The following MIOS variants were observed in gnomAD, a reference collection of about 807,000 sequenced individuals.
MIOS encodes the protein meiosis regulator for oocyte development.
Under a neutral mutation model 96.9 loss-of-function variants are expected in MIOS, and 52 were observed. That is an observed-to-expected ratio of 0.54 (90% confidence interval 0.43 to 0.68). The LOEUF (loss-of-function observed/expected upper bound fraction) is 0.68. Among genes scored for constraint, MIOS ranks in the 30% least tolerant of loss-of-function variants. MIOS has a pLI of 0.00. For synonymous variants in MIOS, 397 were observed against 359.5 expected (o/e 1.10, Z -1.18); for missense variants, 1,005 against 1,052.8 (o/e 0.95, Z 0.63).
chr7:7,595,845 A>T lies in MIOS; in HGVS notation c.2197-412A>T, dbSNP rs182436694. 2.0e-5 allele frequency among the ~76,000 whole-genome samples: 3 copies of T among 152,270 alleles called. No homozygotes were observed. In the East Asian group the frequency reaches 5.8e-4, roughly 29 times the overall value. On this transcript the variant is annotated intron_variant, in intron 10 of 12. Transcript: ENST00000340080. ...AAAAATTTAACTATTTACCATTATA[A>T]GTTTGTTAACTCTCTTTGTCTTAGG...
chr7:7,573,033 T>A lies in MIOS; in HGVS notation c.558T>A (p.Ala186=), dbSNP rs1783406647. ...TTTATGAGTTAGGACAGAATGATGC[T>A]TGTCTGTCTCTTTGTTGGCTTCCAC... ...KPLYELGQND[A]CLSLCWLPRD... is the part of the protein sequence containing the mutation. The change falls in exon 4 of 13, where the codon GCT becomes GCA. Residue 186 remains alanine, a synonymous_variant. Coordinates refer to ENST00000340080, the MANE Select transcript of MIOS (RefSeq NM_019005.4). The surrounding 1 kb of genome is among the most constrained non-coding windows in gnomAD (Gnocchi z 5.0). 2 of 1,614,020 alleles carry A rather than the reference T, an allele frequency of 1.2e-6. No individual in the cohort carries two copies. Among genetic ancestry groups the A allele is most frequent in the Non-Finnish European group, 1.7e-6 (2 of 1,179,946 alleles).
rs905602387 is a variant in MIOS, at chr7:7,574,192, G to A, written c.1389G>A (p.Ser463=). 28 of 1,595,720 alleles carry A rather than the reference G, an allele frequency of 1.8e-5. No individual in the cohort carries two copies. The highest frequency in any genetic ancestry group is 1.7e-4 in the Middle Eastern group (1 of 6,034). Residue 463 remains serine (S), a synonymous_variant, in exon 5 of 13, where the codon TCG becomes TCA. Transcript: ENST00000340080. Reference sequence around the variant, plus strand: ...GAATTAAATCAATTGTAAAGTCATCGTTGGGTAAGAAAATTCTATTTCATT... The same window carrying A: ...GAATTAAATCAATTGTAAAGTCATCATTGGGTAAGAAAATTCTATTTCATT... The part of the protein sequence containing the change: ...YAGIKSIVKS[S]LGMVESSRHN...
chr7:7,574,441 C>G (rs561595965), intron 5 of MIOS, among the ~76,000 whole-genome samples: 2 of 152,010 alleles, frequency 1.3e-5, no homozygotes, highest in East Asian at 1.9e-4. Context: ...TCTATCCACA[C>G]GTTTATTCAA....
rs764434670 is a variant in MIOS at position 7,573,820 on chromosome 7, T to C, written c.1294+51T>C. ...GAGGTGAATCAGGTAGAAATGTTCT[T>C]GAAGTTTGCCAAAAGGTCAGTCTGT... On this transcript the variant is annotated intron_variant, in intron 4 of 12. Coordinates refer to ENST00000340080, the MANE Select transcript of MIOS (RefSeq NM_019005.4). The surrounding 1 kb of genome is among the most constrained non-coding windows in gnomAD (Gnocchi z 5.0). 1.2e-5 allele frequency: 18 copies of C among 1,498,198 alleles called. No individual in the cohort carries two copies. The South Asian group carries it at 2.4e-4, about 20-fold the overall frequency. 92.8% of individuals were successfully genotyped at this position (1,498,198 alleles called of 1,614,324 possible).
chr7:7,582,730 C>T (rs1039230455), intron 5 of MIOS: 7 of 487,470 alleles, frequency 1.4e-5, no homozygotes, highest in East Asian at 2.9e-4. Context: ...GGAGCTTATG[C>T]GCTACTGGGA....
In MIOS at chr7:7,583,707, C is replaced by G. The variant is rs117957017; in HGVS notation, c.1648+335C>G. ...TATATTTTCTTAAAGATTAGGGCTA[C>G]TTTAGCCTACAAGTATTTTTACGAT... On this transcript the variant is annotated intron_variant, in intron 6 of 12. Transcript: ENST00000340080. Among the ~76,000 whole-genome samples the G allele has an allele frequency of 7.1e-3, 1,086 of 152,178 alleles. 8 individuals are homozygous for G. Among genetic ancestry groups the G allele is most frequent in the Non-Finnish European group, 0.012 (801 of 67,980 alleles).
At chr7:7,602,820 T>C (rs1041544941) in intron 11 of MIOS, among the ~76,000 whole-genome samples, 23 of 151,970 alleles carry the variant, frequency 1.5e-4, no homozygotes, top group Admixed American at 1.4e-3. Flanking sequence ...CTTCAAACTA[T>C]ACTACAAGGC....
chr7:7,591,193 C>T (rs1175522882), intron 9 of MIOS, among the ~76,000 whole-genome samples: 2 of 151,838 alleles, frequency 1.3e-5, no homozygotes, highest in African/African-American at 4.8e-5. Flanking sequence ...TCTTTCAACA[C>T]TTTAAAGATG....
rs752380748 is a variant in MIOS, at chr7:7,573,599, A to G, written c.1124A>G (p.Tyr375Cys). The G allele has an allele frequency of 7.4e-6, 12 of 1,613,974 alleles. No individual in the cohort carries two copies. The highest frequency in any genetic ancestry group is 1.1e-5 in the South Asian group (1 of 91,090). Reference sequence around the variant, plus strand: ...ATGTGGGCTTGTGGTCGTCATTTATATGAATGTACGGAAGAAGAAAATGAT... The same window carrying G: ...ATGTGGGCTTGTGGTCGTCATTTATGTGAATGTACGGAAGAAGAAAATGAT... ...SLMWACGRHL[Y>C]ECTEEENDNS... The change falls in exon 4 of 13, where the codon TAT (tyrosine) becomes TGT (cysteine). Residue 375 changes from tyrosine to cysteine, a missense_variant. This residue lies in a region of MIOS where 865 missense variants were observed against 887.9 expected (regional missense o/e 0.97). Transcript: ENST00000340080. The surrounding 1 kb of genome is among the most constrained non-coding windows in gnomAD (Gnocchi z 5.0).
chr7:7,583,415 T>C (rs1179200874), intron 6 of MIOS, 43 bp downstream of exon 6: 1 of 1,489,502 alleles, frequency 6.7e-7, no homozygotes, highest in Non-Finnish European at 9.0e-7. Flanking sequence ...ATCTAAGATG[T>C]TAGCAGTTCA....
Position 7,589,510 on chromosome 7 carries a change from A to G in MIOS, c.1990A>G (p.Ser664Gly). ...TAAAGATGGAGTGGACTTAATGGAGAGTTATGTTGATAGAACTGGAGATGT... is the reference window on the plus strand; with the variant it reads ...TAAAGATGGAGTGGACTTAATGGAGGGTTATGTTGATAGAACTGGAGATGT... ...LTKDGVDLMESYVDRTGDVQT... is the reference protein window; with the variant it reads ...LTKDGVDLMEGYVDRTGDVQT... The change falls in exon 9 of 13, where the codon AGT becomes GGT. Residue 664 changes from serine to glycine, a missense_variant. Coordinates refer to ENST00000340080, the MANE Select transcript of MIOS (RefSeq NM_019005.4). 1 of 1,613,408 alleles carries G rather than the reference A, an allele frequency of 6.2e-7. No individual in the cohort carries two copies. Among genetic ancestry groups the G allele is most frequent in the Non-Finnish European group, 8.5e-7 (1 of 1,179,574 alleles).
chr7:7,587,839 T>C lies in MIOS; in HGVS notation c.1819-659T>C, dbSNP rs118170555. On this transcript the variant is annotated intron_variant, in intron 7 of 12. Transcript: ENST00000340080. ...CTTTTTTCCACCCTTAAATTATTTTTACAAATTACAAAATTAATTGTACCT... is the reference window on the plus strand; with the variant it reads ...CTTTTTTCCACCCTTAAATTATTTTCACAAATTACAAAATTAATTGTACCT... Among the ~76,000 whole-genome samples, 448 of 152,348 alleles carry C rather than the reference T, an allele frequency of 2.9e-3. 6 individuals are homozygous for C. The highest frequency in any genetic ancestry group is 9.9e-3 in the Admixed American group (152 of 15,300).
intron 3 of MIOS, among the ~76,000 whole-genome samples, chr7:7,570,506 C>T (rs901858861): frequency 2.0e-5 from 3 of 152,020 alleles, no homozygotes; most frequent in Non-Finnish European, 2.9e-5. Flanking sequence ...GATTCAAGCG[C>T]ATTACATTTA....
intron 3 of MIOS, among the ~76,000 whole-genome samples, chr7:7,569,067 A>G (rs917223569): frequency 6.6e-6 from 1 of 152,240 alleles, no homozygotes; most frequent in Non-Finnish European, 1.5e-5. Context: ...GAAAGCCTAG[A>G]TAAAAAGTGT....
chr7:7,587,201 G>A (rs748426843), intron 7 of MIOS, among the ~76,000 whole-genome samples: 22 of 151,800 alleles, frequency 1.4e-4, no homozygotes, highest in Non-Finnish European at 3.1e-4. Context: ...GTAGAGACGG[G>A]GTTTCCTCAT....
intron 11 of MIOS, among the ~76,000 whole-genome samples, chr7:7,603,712 GTA>G (rs1784444316): frequency 6.6e-6 from 1 of 152,126 alleles, no homozygotes; most frequent in South Asian, 2.1e-4. Flanking sequence ...CTATTACTGG[GTA>G]TATACCCAAA....
chr7:7,570,018 G>A (rs866467384), intron 3 of MIOS, among the ~76,000 whole-genome samples: 1 of 138,542 alleles, frequency 7.2e-6, no homozygotes, highest in Admixed American at 7.1e-5. Context: ...CCATTAGAGG[G>A]TTTTAAGCAA....
At chr7:7,585,415 C>A (rs866972545) in intron 6 of MIOS, among the ~76,000 whole-genome samples, 1 of 142,630 alleles carries the variant, frequency 7.0e-6, no homozygotes, top group African/African-American at 2.6e-5. Flanking sequence ...CAAACCCCCC[C>A]CTTTTTTTTT....
Position 7,572,261 on chromosome 7 carries a change from C to CT in MIOS, c.-40-167dup, listed in dbSNP as rs1194418000. Among the ~76,000 whole-genome samples the CT allele has an allele frequency of 1.3e-5, 2 of 151,692 alleles. No homozygotes were observed. Among genetic ancestry groups the CT allele is most frequent in the South Asian group, 2.1e-4 (1 of 4,786 alleles). Reference sequence around the variant, plus strand: ...TTATTGGAAGTGGTTGTTCTTTCTCCTTTTTTTTCAATAAATATTTTCTTG... The same window carrying CT: ...TTATTGGAAGTGGTTGTTCTTTCTCCTTTTTTTTTCAATAAATATTTTCTTG... On this transcript the variant is annotated intron_variant, in intron 3 of 12. Coordinates refer to ENST00000340080, the MANE Select transcript of MIOS (RefSeq NM_019005.4). The surrounding 1 kb of genome is among the most constrained non-coding windows in gnomAD (Gnocchi z 4.8).
Sources: allele counts gnomAD v4.1 joint callset (sites outside exome capture counted in the v4.1 genomes callset), GRCh38; gene constraint gnomAD v4.1.1; regional missense constraint gnomAD v4.1.1; non-coding constraint Gnocchi (gnomAD v3.1); transcripts MANE v1.5; gene names NCBI Gene and HGNC (gene_info 2026-07-23, HGNC 2026-07-21).